Variants in SUCLG2 observed in about 807,000 individuals in gnomAD.
SUCLG2 encodes the protein succinate-CoA ligase GDP-forming subunit beta.
In SUCLG2, 42 loss-of-function variants were observed where a neutral mutation model predicts 47.9. The ratio of observed to expected loss-of-function variants is 0.88; its 90% confidence interval spans 0.69 to 1.14. The LOEUF (loss-of-function observed/expected upper bound fraction) is 1.14. SUCLG2 is among the 50% of genes most tolerant of loss of function. The pLI is 0.00. For missense variants in SUCLG2, 571 were observed against 525.9 expected (o/e 1.09, Z -0.84); for synonymous variants, 195 against 197.3 (o/e 0.99, Z 0.10).
chr3:67,438,643 T>C, intron 9 of SUCLG2, among the ~76,000 whole-genome samples: 1 of 151,988 alleles, frequency 6.6e-6, no homozygotes, highest in Non-Finnish European at 1.5e-5. Context: ...CTAGAAGAAA[T>C]GGATAAATTC....
At chr3:67,473,839 C>T (rs1349603220) in intron 9 of SUCLG2, among the ~76,000 whole-genome samples, 3 of 152,200 alleles carry the variant, frequency 2.0e-5, no homozygotes, top group Non-Finnish European at 4.4e-5. Context: ...TCATTCACAT[C>T]ACCTCCCAAC....
chr3:67,608,680 T>A (rs13095750), intron 2 of SUCLG2, among the ~76,000 whole-genome samples: 9 of 151,884 alleles, frequency 5.9e-5, no homozygotes, highest in Non-Finnish European at 8.8e-5. Context: ...TTCTAATTTT[T>A]TTTTTTTTTT....
chr3:67,411,503 A>T (rs1702932596), intron 9 of SUCLG2, among the ~76,000 whole-genome samples: 1 of 152,186 alleles, frequency 6.6e-6, no homozygotes, highest in Non-Finnish European at 1.5e-5. Flanking sequence ...CTGGCTGGAA[A>T]GAGTAAAAAC....
intron 4 of SUCLG2, among the ~76,000 whole-genome samples, chr3:67,523,883 T>A (rs1009769488): frequency 5.3e-5 from 8 of 152,180 alleles, no homozygotes; most frequent in African/African-American, 1.7e-4. Flanking sequence ...TTAGGATAAG[T>A]GTCATTCAAG....
intron 9 of SUCLG2, among the ~76,000 whole-genome samples, chr3:67,423,322 G>A (rs565815877): frequency 2.6e-5 from 4 of 152,170 alleles, no homozygotes; most frequent in South Asian, 2.1e-4. Context: ...CTGGCCATGC[G>A]GAACTGTGAG....
intron 9 of SUCLG2, among the ~76,000 whole-genome samples, chr3:67,472,080 A>C (rs947020809): frequency 1.3e-5 from 2 of 152,214 alleles, no homozygotes; most frequent in African/African-American, 4.8e-5. Context: ...AAAAAAATCA[A>C]ATCTAGTTTC....
chr3:67,598,122 A>T (rs1708336213), intron 2 of SUCLG2, among the ~76,000 whole-genome samples: 1 of 151,978 alleles, frequency 6.6e-6, no homozygotes, highest in South Asian at 2.1e-4. Context: ...CTGGGACTAC[A>T]GGCGCATGCC....
At chr3:67,388,396 C>T (rs559353079) in intron 10 of SUCLG2, among the ~76,000 whole-genome samples, 5 of 152,164 alleles carry the variant, frequency 3.3e-5, no homozygotes, top group East Asian at 1.9e-4. Context: ...GTGTGATAAA[C>T]GTCCTCGGAT....
chr3:67,546,208 T>A lies in SUCLG2; in HGVS notation c.227-17022A>T, dbSNP rs1171177753. Among the ~76,000 whole-genome samples, 3 of 152,144 alleles carry A rather than the reference T, an allele frequency of 2.0e-5. No homozygotes were observed. In the East Asian group the frequency reaches 5.8e-4, roughly 29 times the overall value. On this transcript the variant is annotated intron_variant, in intron 2 of 10. Coordinates refer to ENST00000307227, the MANE Select transcript of SUCLG2 (RefSeq NM_003848.4). ...AATTTTACTTCTTGGAGTAAAAGAATACAAAATTTTTTGACTTGAGTTTGG... is the reference window on the plus strand; with the variant it reads ...AATTTTACTTCTTGGAGTAAAAGAAAACAAAATTTTTTGACTTGAGTTTGG...
At chr3:67,383,187 G>T (rs1702194851) in intron 10 of SUCLG2, among the ~76,000 whole-genome samples, 1 of 152,200 alleles carries the variant, frequency 6.6e-6, no homozygotes, top group South Asian at 2.1e-4. Flanking sequence ...ACTGACAAGG[G>T]TTTAGATAAT....
chr3:67,533,180 CA>C (rs1403259047), intron 2 of SUCLG2, among the ~76,000 whole-genome samples: 1 of 152,112 alleles, frequency 6.6e-6, no homozygotes, highest in African/African-American at 2.4e-5. Flanking sequence ...AATATATTGA[CA>C]AAAGTAAGTT....
chr3:67,458,329 C>G (rs1407293814), intron 9 of SUCLG2, among the ~76,000 whole-genome samples: 1 of 152,158 alleles, frequency 6.6e-6, no homozygotes, highest in Non-Finnish European at 1.5e-5. Context: ...CACAACAACC[C>G]TAAGAAATAG....
chr3:67,373,369 T>C (rs1056689664), downstream of SUCLG2, among the ~76,000 whole-genome samples: 1 of 152,090 alleles, frequency 6.6e-6, no homozygotes, highest in African/African-American at 2.4e-5. Flanking sequence ...AATTAAATCA[T>C]TTATGTGATT....
chr3:67,542,232 G>A (rs986340171), intron 2 of SUCLG2, among the ~76,000 whole-genome samples: 1 of 152,082 alleles, frequency 6.6e-6, no homozygotes, highest in Non-Finnish European at 1.5e-5. Context: ...GCCAAACTAA[G>A]TTTCATAAAC....
intron 2 of SUCLG2, among the ~76,000 whole-genome samples, chr3:67,606,147 C>T (rs1700414386): frequency 6.6e-6 from 1 of 152,092 alleles, no homozygotes; most frequent in African/African-American, 2.4e-5. Context: ...CGAGATTGCA[C>T]TGAACTATGA....
downstream of SUCLG2, among the ~76,000 whole-genome samples, chr3:67,373,267 T>A (rs1390219838): frequency 1.3e-5 from 2 of 151,752 alleles, no homozygotes; most frequent in African/African-American, 4.8e-5. Flanking sequence ...TAATGACATT[T>A]TTTTTTTCCT....
intron 9 of SUCLG2, among the ~76,000 whole-genome samples, chr3:67,456,244 C>T (rs756595980): frequency 2.0e-5 from 3 of 152,146 alleles, no homozygotes; most frequent in Non-Finnish European, 4.4e-5. Flanking sequence ...GGACTCTCTT[C>T]CTTTATTACC....
intron 9 of SUCLG2, among the ~76,000 whole-genome samples, chr3:67,417,938 A>T (rs556909626): frequency 6.6e-6 from 1 of 152,126 alleles, no homozygotes; most frequent in Non-Finnish European, 1.5e-5. Context: ...ATACTGGGGG[A>T]CCTCATCTGA....
At chr3:67,363,985 C>T (rs1478991329) in intron 10 of SUCLG2, among the ~76,000 whole-genome samples, 6 of 152,148 alleles carry the variant, frequency 3.9e-5, no homozygotes, top group African/African-American at 1.2e-4. Flanking sequence ...ACTGAAGAAA[C>T]TGGAGAAATG....
Sources: gnomAD v4.1 joint callset for allele counts (sites outside exome capture counted in the v4.1 genomes callset) on GRCh38, gnomAD v4.1.1 for gene constraint, MANE v1.5 for transcripts, NCBI Gene and HGNC (gene_info 2026-07-23, HGNC 2026-07-21) for gene names.